Variants in KCNJ2 observed in about 807,000 individuals in gnomAD.
The protein encoded by KCNJ2 is potassium inwardly rectifying channel subfamily J member 2.
In KCNJ2, 12 loss-of-function variants were observed where a neutral mutation model predicts 28.4. That is an observed-to-expected ratio of 0.42 (90% CI 0.27 to 0.68). The LOEUF is 0.68. KCNJ2 is among the 30% of genes least tolerant of loss of function. The pLI is 0.23. For synonymous variants in KCNJ2, 200 were observed against 203.2 expected (o/e 0.98, Z 0.13); for missense variants, 320 against 551.3 (o/e 0.58, Z 4.20).
Position 70,176,498 on chromosome 17 carries a change from A to G in KCNJ2, c.*175A>G, listed in dbSNP as rs929262599. 1.9e-5 allele frequency: 13 copies of G among 680,942 alleles called. No individual in the cohort carries two copies. In the Admixed American group the frequency reaches 2.9e-4, roughly 15 times the overall value. The allele number at this position is 680,942 out of a possible 1,614,324, so 42.2% of individuals were successfully genotyped here. A position where few individuals can be genotyped will look rare whatever the true frequency, so the allele number is the denominator to read the frequency against. Reference sequence around the variant, plus strand: ...ACTGTAAGCTCCATGATTAGCATAAAGCACTAACCATGTCTCCATGTGACC... The same window carrying G: ...ACTGTAAGCTCCATGATTAGCATAAGGCACTAACCATGTCTCCATGTGACC... On this transcript the variant is annotated 3_prime_UTR_variant, in exon 2 of 2. Coordinates refer to ENST00000243457, the MANE Select transcript of KCNJ2 (RefSeq NM_000891.3).
chr17:70,169,944 C>T (rs995963449), intron 1 of KCNJ2, among the ~76,000 whole-genome samples: 7 of 152,198 alleles, frequency 4.6e-5, no homozygotes, highest in Non-Finnish European at 8.8e-5. Context: ...GCAATAGAAA[C>T]AGATTTCTCT....
At chr17:70,173,359 C>G (rs1274135382) in intron 1 of KCNJ2, among the ~76,000 whole-genome samples, 1 of 152,188 alleles carries the variant, frequency 6.6e-6, no homozygotes, top group Non-Finnish European at 1.5e-5. Flanking sequence ...TCTTCATTAT[C>G]AGGCATCAAC....
chr17:70,174,098 G>A (rs2144375080), intron 1 of KCNJ2, among the ~76,000 whole-genome samples: 1 of 152,288 alleles, frequency 6.6e-6, no homozygotes, highest in Admixed American at 6.5e-5. Context: ...ATCCATTTCA[G>A]ATTATTATAA....
chr17:70,176,371 G>A lies in KCNJ2; in HGVS notation c.*48G>A, dbSNP rs1158334404. 2.6e-6 allele frequency: 4 copies of A among 1,559,712 alleles called. No individual in the cohort carries two copies. In the East Asian group the frequency reaches 6.7e-5, roughly 26 times the overall value. ...TAGTTACTTTACAACACGGTCTGTT[G>A]GTCAGAGGCCCAAAACAGTTATACA... On this transcript the variant is annotated 3_prime_UTR_variant, in exon 2 of 2. Coordinates refer to ENST00000243457, the MANE Select transcript of KCNJ2 (RefSeq NM_000891.3).
In KCNJ2 at chr17:70,175,143, G is replaced by C. The variant is rs762818989; in HGVS notation, c.104G>C (p.Ser35Thr). The C allele has an allele frequency of 3.7e-6, 6 of 1,614,204 alleles. No individual in the cohort carries two copies. In the South Asian group the frequency reaches 5.5e-5, roughly 15 times the overall value. Reference sequence around the variant, plus strand: ...GCAAATGGCTTTGGGAACGGGAAGAGTAAAGTCCACACCCGACAACAGTGC... The same window carrying C: ...GCAAATGGCTTTGGGAACGGGAAGACTAAAGTCCACACCCGACAACAGTGC... Reference protein sequence around the residue: ...AVANGFGNGKSKVHTRQQCRS... With the variant: ...AVANGFGNGKTKVHTRQQCRS... The change falls in exon 2 of 2, where the codon AGT (serine) becomes ACT (threonine). Residue 35 changes from serine to threonine, a missense_variant. Coordinates refer to ENST00000243457, the MANE Select transcript of KCNJ2 (RefSeq NM_000891.3). The surrounding 1 kb of genome is among the most constrained non-coding windows in gnomAD (Gnocchi z 8.3).
rs1288525468 is a variant in KCNJ2 at position 70,178,180 on chromosome 17, G to A, written c.*1857G>A. On this transcript the variant is annotated 3_prime_UTR_variant, in exon 2 of 2. Coordinates refer to ENST00000243457, the MANE Select transcript of KCNJ2 (RefSeq NM_000891.3). ...AGCTTGTTCTAGAATCATGTATTTT[G>A]TAAACTGATGTTTGTGATGGTCTCT... The A allele has an allele frequency of 1.2e-5, 2 of 166,768 alleles. No homozygotes were observed. Among genetic ancestry groups the A allele is most frequent in the African/African-American group, 2.4e-5 (1 of 41,326 alleles). The allele number at this position is 166,768 out of a possible 1,614,324, so 10.3% of individuals were successfully genotyped here. A position where few individuals can be genotyped will look rare whatever the true frequency, so the allele number is the denominator to read the frequency against.
intron 1 of KCNJ2, among the ~76,000 whole-genome samples, chr17:70,172,376 G>C (rs1253865199): frequency 6.8e-6 from 1 of 147,980 alleles, no homozygotes; most frequent in Non-Finnish European, 1.5e-5. Flanking sequence ...GGAAGAAATG[G>C]TAAAATTTCT....
Position 70,175,501 on chromosome 17 carries a change from C to T in KCNJ2, c.462C>T (p.Cys154=), listed in dbSNP as rs1264626246. Residue 154 remains cysteine (C), a synonymous_variant, in exon 2 of 2, where the codon TGC becomes TGT. Coordinates refer to ENST00000243457, the MANE Select transcript of KCNJ2 (RefSeq NM_000891.3). This position sits in a 1 kb window ranked among gnomAD's most constrained non-coding sequence, Gnocchi z 8.3. ...GTTTCAGATGTGTCACGGATGAATGCCCAATTGCTGTTTTCATGGTGGTGT... is the reference window on the plus strand; with the variant it reads ...GTTTCAGATGTGTCACGGATGAATGTCCAATTGCTGTTTTCATGGTGGTGT... The part of the protein sequence containing the change: ...GYGFRCVTDE[C]PIAVFMVVFQ... The T allele has an allele frequency of 6.2e-7, 1 of 1,614,170 alleles. No individual in the cohort carries two copies. Among genetic ancestry groups the T allele is most frequent in the Non-Finnish European group, 8.5e-7 (1 of 1,180,030 alleles).
chr17:70,171,528 GA>G (rs199520431), intron 1 of KCNJ2, among the ~76,000 whole-genome samples: 1 of 147,400 alleles, frequency 6.8e-6, no homozygotes, highest in East Asian at 2.0e-4. Flanking sequence ...ACTCTCATTT[GA>G]TTTTTTTTTT....
rs2074413463 is a variant in KCNJ2, at chr17:70,179,108, C to A, written c.*2785C>A. 8.9e-6 allele frequency: 1 copy of A among 112,498 alleles called. No homozygotes were observed. Among genetic ancestry groups the A allele is most frequent in the Admixed American group, 1.5e-4 (1 of 6,800 alleles). 7.0% of individuals were successfully genotyped at this position (112,498 alleles called of 1,614,324 possible). A position where few individuals can be genotyped will look rare whatever the true frequency, so the allele number is the denominator to read the frequency against. ...TTTTTTTTTTTTTTTTGTCAAGAGC[C>A]AAGACACAGGTAATGCACGACATTG... On this transcript the variant is annotated 3_prime_UTR_variant, in exon 2 of 2. Transcript: ENST00000243457.
intron 1 of KCNJ2, among the ~76,000 whole-genome samples, chr17:70,170,583 A>G (rs1226785801): frequency 6.6e-6 from 1 of 152,230 alleles, no homozygotes; most frequent in Non-Finnish European, 1.5e-5. Flanking sequence ...ACCTGTTAGG[A>G]AATAAGGTGT....
Position 70,172,062 on chromosome 17 carries a change from G to C in KCNJ2, c.-217+2361G>C, listed in dbSNP as rs139472252. ...TGCTCACGAATTGGTAATTGCTAGT[G>C]AGAGGACCGGGCAAGGAAGTTTTCT... On this transcript the variant is annotated intron_variant, in intron 1 of 1. Coordinates refer to ENST00000243457, the MANE Select transcript of KCNJ2 (RefSeq NM_000891.3). Among the ~76,000 whole-genome samples the C allele has an allele frequency of 6.4e-3, 979 of 152,026 alleles. 13 individuals are homozygous for C. Among genetic ancestry groups the C allele is most frequent in the African/African-American group, 0.022 (920 of 41,444 alleles).
rs1025243571 is a variant in KCNJ2, at chr17:70,179,571, T to C, written c.*3248T>C. ...TTGTTTTTATTCTGTTAATGCATTC[T>C]TTCTTCTCTTTACTTCCTTTCTTAC... On this transcript the variant is annotated 3_prime_UTR_variant, in exon 2 of 2. Coordinates refer to ENST00000243457, the MANE Select transcript of KCNJ2 (RefSeq NM_000891.3). The C allele has an allele frequency of 3.0e-5, 5 of 166,332 alleles. No individual in the cohort carries two copies. Among genetic ancestry groups the C allele is most frequent in the Non-Finnish European group, 7.3e-5 (5 of 68,116 alleles). 10.3% of individuals were successfully genotyped at this position (166,332 alleles called of 1,614,324 possible). A position where few individuals can be genotyped will look rare whatever the true frequency, so the allele number is the denominator to read the frequency against.
Position 70,178,876 on chromosome 17 carries a change from A to G in KCNJ2, c.*2553A>G, listed in dbSNP as rs989789549. 3 of 166,966 alleles carry G rather than the reference A, an allele frequency of 1.8e-5. No individual in the cohort carries two copies. The highest frequency in any genetic ancestry group is 4.4e-5 in the Non-Finnish European group (3 of 68,106). 10.3% of individuals were successfully genotyped at this position (166,966 alleles called of 1,614,324 possible). On this transcript the variant is annotated 3_prime_UTR_variant, in exon 2 of 2. Coordinates refer to ENST00000243457, the MANE Select transcript of KCNJ2 (RefSeq NM_000891.3). ...AAAAATAATTGCCATAGAAAGTATA[A>G]TTTCAGTGCAGTAATTTCTGAGAGC...
chr17:70,172,901 G>A (rs1224686714), intron 1 of KCNJ2, among the ~76,000 whole-genome samples: 1 of 152,216 alleles, frequency 6.6e-6, no homozygotes, highest in Admixed American at 6.5e-5. Flanking sequence ...TGCTGTCCAT[G>A]TACAGGATCT....
intron 1 of KCNJ2, among the ~76,000 whole-genome samples, chr17:70,169,924 G>A (rs1260541539): frequency 1.3e-5 from 2 of 152,172 alleles, no homozygotes; most frequent in African/African-American, 4.8e-5. Flanking sequence ...GACATGCTTG[G>A]AACAGTTGAG....
chr17:70,172,241 G>A (rs944147873), intron 1 of KCNJ2, among the ~76,000 whole-genome samples: 7 of 140,800 alleles, frequency 5.0e-5, no homozygotes, highest in African/African-American at 1.6e-4. Context: ...ATATATGTGT[G>A]TGCACCTGCA....
chr17:70,177,036 A>G lies in KCNJ2; in HGVS notation c.*713A>G, dbSNP rs1313590164. ...TTTTAAGTTAAACTACCTAAAATAAATACCAAAGATAATGCATATTTTTGC... is the reference window on the plus strand; with the variant it reads ...TTTTAAGTTAAACTACCTAAAATAAGTACCAAAGATAATGCATATTTTTGC... On this transcript the variant is annotated 3_prime_UTR_variant, in exon 2 of 2. Coordinates refer to ENST00000243457, the MANE Select transcript of KCNJ2 (RefSeq NM_000891.3). 2 of 167,398 alleles carry G rather than the reference A, an allele frequency of 1.2e-5. No homozygotes were observed. Among genetic ancestry groups the G allele is most frequent in the East Asian group, 1.9e-4 (1 of 5,208 alleles). 10.4% of individuals were successfully genotyped at this position (167,398 alleles called of 1,614,324 possible).
At position 70,176,848 on chromosome 17, in the gene KCNJ2, A is replaced by G. The variant is rs1412850007; in HGVS notation, c.*525A>G. 1.1e-5 allele frequency: 2 copies of G among 174,722 alleles called. No homozygotes were observed. The highest frequency in any genetic ancestry group is 2.4e-5 in the African/African-American group (1 of 41,498). The allele number at this position is 174,722 out of a possible 1,614,324, so 10.8% of individuals were successfully genotyped here. Reference sequence around the variant, plus strand: ...GCAAGTATTTGGCTATTAACTGCCAAAACAAGAGCCTGATTTTTTGAGGCC... The same window carrying G: ...GCAAGTATTTGGCTATTAACTGCCAGAACAAGAGCCTGATTTTTTGAGGCC... On this transcript the variant is annotated 3_prime_UTR_variant, in exon 2 of 2. Coordinates refer to ENST00000243457, the MANE Select transcript of KCNJ2 (RefSeq NM_000891.3).
Sources: allele counts gnomAD v4.1 joint callset (sites outside exome capture counted in the v4.1 genomes callset), GRCh38; gene constraint gnomAD v4.1.1; non-coding constraint Gnocchi (gnomAD v3.1); transcripts MANE v1.5; gene names NCBI Gene and HGNC (gene_info 2026-07-23, HGNC 2026-07-21).